PTPRM: variants seen among roughly 807,000 people sequenced by gnomAD.
The protein encoded by PTPRM is protein tyrosine phosphatase receptor type M, also known as receptor-type tyrosine-protein phosphatase mu.
PTPRM carries 47 observed loss-of-function variants against 186.7 expected under a neutral mutation model. The ratio of observed to expected loss-of-function variants is 0.25; its 90% confidence interval spans 0.20 to 0.32. The LOEUF (loss-of-function observed/expected upper bound fraction) is 0.32, where lower values mean the gene tolerates loss of function less well. Ranked by LOEUF, PTPRM falls within the 10% of genes least tolerant of loss-of-function variation. The pLI, the probability that PTPRM is intolerant of heterozygous loss-of-function variation, is 1.00. For missense variants in PTPRM, 1,494 were observed against 1,865.0 expected, an observed-to-expected ratio of 0.80 and a Z score of 3.66; for synonymous variants, 668 against 674.9, an observed-to-expected ratio of 0.99 and a Z score of 0.16.
At chr18:7,651,734 C>T (rs1194186636) in intron 1 of PTPRM, among the ~76,000 whole-genome samples, 1 of 151,836 alleles carries the variant, frequency 6.6e-6, no homozygotes, top group African/African-American at 2.4e-5. Flanking sequence ...TTCGTTACAC[C>T]TTATACAAAA....
At chr18:7,631,339 A>C (rs376931657) in intron 1 of PTPRM, among the ~76,000 whole-genome samples, 2 of 152,096 alleles carry the variant, frequency 1.3e-5, no homozygotes, top group Non-Finnish European at 2.9e-5. Flanking sequence ...TAAAGAATCA[A>C]TAAGCTTGCT....
At chr18:8,208,083 C>T (rs777103601) in intron 14 of PTPRM, among the ~76,000 whole-genome samples, 2 of 152,196 alleles carry the variant, frequency 1.3e-5, no homozygotes, top group Non-Finnish European at 1.5e-5. Flanking sequence ...CCTCAGGGAG[C>T]AACAAAGGAT....
At chr18:7,982,708 A>G (rs1006666520) in intron 7 of PTPRM, among the ~76,000 whole-genome samples, 3 of 152,094 alleles carry the variant, frequency 2.0e-5, no homozygotes, top group Non-Finnish European at 2.9e-5. Flanking sequence ...CACCATCACC[A>G]CAAACACCTC....
intron 23 of PTPRM, among the ~76,000 whole-genome samples, chr18:8,357,607 G>C (rs551690852): frequency 3.9e-5 from 6 of 152,096 alleles, no homozygotes; most frequent in African/African-American, 1.2e-4. Flanking sequence ...TGCATGCCCC[G>C]TTGTGTTCTG....
At chr18:8,170,919 C>T (rs2093390878) in intron 14 of PTPRM, among the ~76,000 whole-genome samples, 1 of 152,230 alleles carries the variant, frequency 6.6e-6, no homozygotes, top group African/African-American at 2.4e-5. Flanking sequence ...TCCATACTTA[C>T]TTCTGCCACA....
chr18:8,318,054 A>G (rs2095321879), intron 21 of PTPRM, among the ~76,000 whole-genome samples: 1 of 152,134 alleles, frequency 6.6e-6, no homozygotes, highest in Non-Finnish European at 1.5e-5. Context: ...ACTTGTTTTT[A>G]AGGGCAAAAT....
intron 1 of PTPRM, among the ~76,000 whole-genome samples, chr18:7,738,880 A>C (rs1383437868): frequency 1.3e-5 from 2 of 152,116 alleles, no homozygotes; most frequent in Non-Finnish European, 2.9e-5. Context: ...TGCTGAGCAT[A>C]CTCAGATGTA....
At chr18:7,736,594 G>A (rs1355553884) in intron 1 of PTPRM, among the ~76,000 whole-genome samples, 1 of 150,898 alleles carries the variant, frequency 6.6e-6, no homozygotes, top group Non-Finnish European at 1.5e-5. Flanking sequence ...TCCCTTTTAA[G>A]GGCTCACAAC....
At chr18:8,260,964 A>G (rs771050980) in intron 19 of PTPRM, among the ~76,000 whole-genome samples, 18 of 152,182 alleles carry the variant, frequency 1.2e-4, no homozygotes, top group Non-Finnish European at 2.4e-4. Flanking sequence ...CTTTTGCACA[A>G]AGAAGCAGGG....
chr18:8,001,410 A>C (rs1381532095), intron 7 of PTPRM, among the ~76,000 whole-genome samples: 1 of 152,128 alleles, frequency 6.6e-6, no homozygotes, highest in Non-Finnish European at 1.5e-5. Context: ...GTTTCTCTGA[A>C]GTGAAATTTG....
At chr18:7,625,540 G>T (rs1198094029) in intron 1 of PTPRM, among the ~76,000 whole-genome samples, 1 of 128,226 alleles carries the variant, frequency 7.8e-6, no homozygotes, top group Non-Finnish European at 1.7e-5. Flanking sequence ...AGTTTGAGAG[G>T]TTCTTTTTTT....
intron 7 of PTPRM, among the ~76,000 whole-genome samples, chr18:8,031,856 T>A (rs2085996450): frequency 6.6e-6 from 1 of 152,124 alleles, no homozygotes; most frequent in African/African-American, 2.4e-5. Context: ...AAGGCCTGAG[T>A]TAGCCAAGAA....
At chr18:8,142,605 CAG>C (rs954726890) in intron 13 of PTPRM, among the ~76,000 whole-genome samples, 1 of 152,138 alleles carries the variant, frequency 6.6e-6, no homozygotes, top group Non-Finnish European at 1.5e-5. Flanking sequence ...AACCTCATGA[CAG>C]AGTGGAAAGA....
At chr18:7,890,639 T>C (rs2049025327) in intron 3 of PTPRM, among the ~76,000 whole-genome samples, 2 of 152,170 alleles carry the variant, frequency 1.3e-5, no homozygotes, top group Admixed American at 1.3e-4. Flanking sequence ...AATTTAGATA[T>C]GCTTAAATCT....
At chr18:8,075,463 A>T (rs1024126551) in intron 8 of PTPRM, among the ~76,000 whole-genome samples, 3 of 152,118 alleles carry the variant, frequency 2.0e-5, no homozygotes, top group Admixed American at 6.6e-5. Context: ...TATAAACAGG[A>T]TAGCTATTTT....
chr18:7,812,400 AG>A (rs2044573055), intron 2 of PTPRM, among the ~76,000 whole-genome samples: 2 of 152,272 alleles, frequency 1.3e-5, no homozygotes, highest in African/African-American at 4.8e-5. Context: ...TTTCTAGTCG[AG>A]GTACCTGGAG....
At chr18:7,726,029 G>A (rs2040541427) in intron 1 of PTPRM, among the ~76,000 whole-genome samples, 2 of 152,154 alleles carry the variant, frequency 1.3e-5, no homozygotes. Context: ...CCAGTACAGA[G>A]TTCGCTCTTG....
chr18:7,779,450 C>T (rs2042751585), intron 2 of PTPRM, among the ~76,000 whole-genome samples: 4 of 152,268 alleles, frequency 2.6e-5, no homozygotes, highest in South Asian at 4.1e-4. Context: ...GATGGAGCAG[C>T]GTGTGCACTC....
rs375913296 is a variant in PTPRM, at chr18:8,360,507, A to T, written c.3055-10383A>T. Among the ~76,000 whole-genome samples the T allele has an allele frequency of 1.4e-4, 21 of 152,328 alleles. No individual in the cohort carries two copies. The East Asian group carries it at 1.7e-3, about 13-fold the overall frequency. ...AAGGAACGTGCATTTGGGTAACATT[A>T]TTTGAAAATTGTGGGGGTGCTGCTG... is the stretch of plus-strand genomic sequence containing the variant. On this transcript the variant is annotated intron_variant, in intron 23 of 32. Coordinates refer to ENST00000580170, the MANE Select transcript of PTPRM (RefSeq NM_001105244.2).
Sources: allele counts gnomAD v4.1 joint callset (sites outside exome capture counted in the v4.1 genomes callset), GRCh38; gene constraint gnomAD v4.1.1; transcripts MANE v1.5; gene names NCBI Gene and HGNC (gene_info 2026-07-23, HGNC 2026-07-21).